Variants in SYNPR observed in about 807,000 individuals in gnomAD.
The protein encoded by SYNPR is synaptoporin.
In SYNPR, 23 loss-of-function variants were observed where a neutral mutation model predicts 32.9. That is an observed-to-expected ratio of 0.70 (90% CI 0.50 to 0.99). The LOEUF (loss-of-function observed/expected upper bound fraction) is 0.99, where lower values mean the gene tolerates loss of function less well. SYNPR is among the 50% of genes least tolerant of loss of function. SYNPR has a pLI of 0.00. For synonymous variants in SYNPR, 146 were observed against 135.9 expected, an observed-to-expected ratio of 1.07 and a Z score of -0.52; for missense variants, 318 against 349.3, an observed-to-expected ratio of 0.91 and a Z score of 0.71.
chr3:63,238,773 C>A (rs77324716), intron 1 of SYNPR, among the ~76,000 whole-genome samples: 2,000 of 152,048 alleles, frequency 0.013, 38 homozygotes, highest in African/African-American at 0.046. Context: ...CAAAATAGAG[C>A]CCTGAAGGCA....
At chr3:63,573,575 C>T (rs1217051820) in intron 4 of SYNPR, among the ~76,000 whole-genome samples, 1 of 152,180 alleles carries the variant, frequency 6.6e-6, no homozygotes, top group African/African-American at 2.4e-5. Flanking sequence ...TCATCACTTT[C>T]TACGTCCTCC....
intron 2 of SYNPR, among the ~76,000 whole-genome samples, chr3:63,412,180 A>G (rs2088475506): frequency 6.6e-6 from 1 of 152,164 alleles, no homozygotes; most frequent in African/African-American, 2.4e-5. Context: ...GAAGAGTATC[A>G]GATTTGGCAG....
Position 63,595,847 on chromosome 3 carries a change from TTA to T in SYNPR, c.409-13267_409-13266del, listed in dbSNP as rs1374418621. ...TATATATATAGTTATATATATAGTTTTATATATATATAGTTATATATATATAA... is the reference window on the plus strand; with the variant it reads ...TATATATATAGTTATATATATAGTTTTATATATATAGTTATATATATATAA... On this transcript the variant is annotated intron_variant, in intron 4 of 5. Transcript: ENST00000478300. 3.9e-3 allele frequency among the ~76,000 whole-genome samples: 301 copies of T among 76,654 alleles called. 26 individuals are homozygous for T. The highest frequency in any genetic ancestry group is 5.5e-3 in the Middle Eastern group (1 of 182). 50.3% of individuals were successfully genotyped at this position (76,654 alleles called of 152,430 possible).
chr3:63,428,616 G>A (rs1042312480), intron 2 of SYNPR, among the ~76,000 whole-genome samples: 6 of 152,132 alleles, frequency 3.9e-5, no homozygotes, highest in Non-Finnish European at 7.3e-5. Flanking sequence ...GGGCTTTTTG[G>A]GTGTCAGCAT....
chr3:63,376,130 G>A (rs542476511), intron 2 of SYNPR, among the ~76,000 whole-genome samples: 1 of 152,190 alleles, frequency 6.6e-6, no homozygotes, highest in East Asian at 1.9e-4. Flanking sequence ...TTCTCTGTGT[G>A]TTCACTATTC....
At chr3:63,265,117 T>C (rs1404513696) in intron 2 of SYNPR, among the ~76,000 whole-genome samples, 1 of 152,186 alleles carries the variant, frequency 6.6e-6, no homozygotes, top group East Asian at 1.9e-4. Context: ...GGCACATTAC[T>C]GGCTTTTGAT....
At chr3:63,397,900 A>C (rs1193025728) in intron 2 of SYNPR, among the ~76,000 whole-genome samples, 1 of 152,236 alleles carries the variant, frequency 6.6e-6, no homozygotes, top group Non-Finnish European at 1.5e-5. Context: ...AAAAAGTGAC[A>C]TTGAGACAAG....
chr3:63,420,017 G>C (rs1575634791), intron 2 of SYNPR, among the ~76,000 whole-genome samples: 1 of 152,154 alleles, frequency 6.6e-6, no homozygotes, highest in South Asian at 2.1e-4. Flanking sequence ...AACAAAGGGA[G>C]TGCAAGATCT....
At chr3:63,299,359 T>C (rs1464986811) in intron 2 of SYNPR, among the ~76,000 whole-genome samples, 2 of 152,192 alleles carry the variant, frequency 1.3e-5, no homozygotes, top group South Asian at 2.1e-4. Flanking sequence ...TCTCTGACTC[T>C]TACTGTGAAG....
At chr3:63,231,699 T>A (rs1303151273) in intron 1 of SYNPR, among the ~76,000 whole-genome samples, 4 of 152,178 alleles carry the variant, frequency 2.6e-5, no homozygotes, top group South Asian at 2.1e-4. Context: ...GCCATTTTTT[T>A]AAATTTTAGC....
chr3:63,370,915 G>T (rs1340834272), intron 2 of SYNPR, among the ~76,000 whole-genome samples: 1 of 152,144 alleles, frequency 6.6e-6, no homozygotes, highest in African/African-American at 2.4e-5. Context: ...TGTTGAATTA[G>T]AATTTAAATA....
chr3:63,442,446 T>C (rs1376222267), intron 2 of SYNPR, among the ~76,000 whole-genome samples: 1 of 152,180 alleles, frequency 6.6e-6, no homozygotes, highest in Non-Finnish European at 1.5e-5. Context: ...GGTATCTGCC[T>C]TGGGGAAACA....
rs113486582 is a variant in SYNPR at position 63,362,101 on chromosome 3, G to A, written c.84+83359G>A. On this transcript the variant is annotated intron_variant, in intron 2 of 5. Coordinates refer to ENST00000478300, the MANE Select transcript of SYNPR (RefSeq NM_001130003.2). ...CATACAGGACCATTTAAGGGCTGGT[G>A]CATTATCTCCCTGCCATCTTCCCCC... Among the ~76,000 whole-genome samples, 38 of 152,266 alleles carry A rather than the reference G, an allele frequency of 2.5e-4. 1 individual carries two copies. Among genetic ancestry groups the A allele is most frequent in the African/African-American group, 8.4e-4 (35 of 41,556 alleles).
At chr3:63,390,079 T>G (rs2088111432) in intron 2 of SYNPR, among the ~76,000 whole-genome samples, 1 of 152,152 alleles carries the variant, frequency 6.6e-6, no homozygotes, top group South Asian at 2.1e-4. Context: ...ACAGGATATT[T>G]AATATTATCC....
chr3:63,400,437 C>G (rs1185123880), intron 2 of SYNPR, among the ~76,000 whole-genome samples: 3 of 152,232 alleles, frequency 2.0e-5, no homozygotes, highest in Non-Finnish European at 4.4e-5. Flanking sequence ...ATGGGTTACT[C>G]ACACCAATGG....
Position 63,480,894 on chromosome 3 carries a change from G to T in SYNPR, c.147G>T (p.Val49=). The T allele has an allele frequency of 1.9e-6, 3 of 1,613,578 alleles. No homozygotes were observed. The highest frequency in any genetic ancestry group is 2.5e-6 in the Non-Finnish European group (3 of 1,179,628). ...GGYSGGLRLS[V]DCVNKTESNL... Reference sequence around the variant, plus strand: ...ATTCTGGAGGCCTGCGGCTGAGTGTGGACTGCGTCAACAAGACAGAAAGTA... The same window carrying T: ...ATTCTGGAGGCCTGCGGCTGAGTGTTGACTGCGTCAACAAGACAGAAAGTA... Residue 49 remains valine (V), a synonymous_variant, in exon 3 of 6, where the codon GTG becomes GTT. Transcript: ENST00000478300.
At chr3:63,288,774 T>G (rs1232232179) in intron 2 of SYNPR, among the ~76,000 whole-genome samples, 5 of 152,200 alleles carry the variant, frequency 3.3e-5, no homozygotes, top group Non-Finnish European at 7.3e-5. Flanking sequence ...TTTACTAATG[T>G]AGTAGGAAAC....
At position 63,602,965 on chromosome 3, in the gene SYNPR, C is replaced by A. The variant is rs561343954; in HGVS notation, c.409-6160C>A. Among the ~76,000 whole-genome samples, 5 of 152,312 alleles carry A rather than the reference C, an allele frequency of 3.3e-5. No individual in the cohort carries two copies. The South Asian group carries it at 1.0e-3, about 32-fold the overall frequency. On this transcript the variant is annotated intron_variant, in intron 4 of 5. Transcript: ENST00000478300. Reference sequence around the variant, plus strand: ...TGCTATTTTAACAATATGGATTCTTCCTCTCCATGAGCATGGAATGTTTTT... The same window carrying A: ...TGCTATTTTAACAATATGGATTCTTACTCTCCATGAGCATGGAATGTTTTT...
chr3:63,553,327 A>G (rs1702534799), intron 3 of SYNPR, among the ~76,000 whole-genome samples: 2 of 152,220 alleles, frequency 1.3e-5, no homozygotes, highest in South Asian at 4.1e-4. Context: ...CATTTTCTCT[A>G]TGTAATCAAC....
Sources: allele counts gnomAD v4.1 joint callset (sites outside exome capture counted in the v4.1 genomes callset), GRCh38; gene constraint gnomAD v4.1.1; transcripts MANE v1.5; gene names NCBI Gene and HGNC (gene_info 2026-07-23, HGNC 2026-07-21).